DNAH17: variants seen among roughly 807,000 people sequenced by gnomAD.
The protein encoded by DNAH17 is dynein axonemal heavy chain 17.
A neutral mutation model predicts 485.6 loss-of-function variants in DNAH17; 376 were observed. The ratio of observed to expected loss-of-function variants is 0.77; its 90% CI spans 0.71 to 0.84. The LOEUF (loss-of-function observed/expected upper bound fraction) is 0.84, where lower values mean the gene tolerates loss of function less well. Among genes scored for constraint, DNAH17 ranks in the 40% least tolerant of loss-of-function variants. DNAH17 has a pLI of 0.00. For missense variants in DNAH17, 6,370 were observed against 5,839.3 expected, an observed-to-expected ratio of 1.09 and a Z score of -2.96; for synonymous variants, 3,031 against 2,405.9, an observed-to-expected ratio of 1.26 and a Z score of -7.60.
chr17:78,478,235 CCACCATCAT>C (rs879393642), intron 51 of DNAH17, among the ~76,000 whole-genome samples: 6 of 117,910 alleles, frequency 5.1e-5, no homozygotes, highest in Non-Finnish European at 8.6e-5. Context: ...ATCACCATCA[CCACCATCAT>C]CACCACCATC....
chr17:78,528,769 G>A (rs2091146511), intron 22 of DNAH17, among the ~76,000 whole-genome samples: 2 of 152,032 alleles, frequency 1.3e-5, no homozygotes, highest in African/African-American at 4.8e-5. Flanking sequence ...GACAGCTGAG[G>A]TTCTTTGAAT....
intron 11 of DNAH17, among the ~76,000 whole-genome samples, chr17:78,562,683 T>C (rs1340418214): frequency 6.6e-6 from 1 of 152,176 alleles, no homozygotes; most frequent in East Asian, 1.9e-4. Flanking sequence ...TAACGTTGCA[T>C]TTATATACCT....
rs1357113051 is a variant in DNAH17, at chr17:78,492,779, G to C, written c.6409-14C>G. The C allele has an allele frequency of 1.9e-6, 3 of 1,609,496 alleles. No individual in the cohort carries two copies. The highest frequency in any genetic ancestry group is 2.7e-5 in the African/African-American group (2 of 74,714). On this transcript the variant is annotated splice_polypyrimidine_tract_variant and intron_variant, in intron 41 of 80. Coordinates refer to ENST00000389840, the MANE Select transcript of DNAH17 (RefSeq NM_173628.4). Reference sequence around the variant, plus strand: ...GGATTTGAGGACCTGGCGAAGGTGGGGGTCACTCACGTGTGACTCCATGTT... The same window carrying C: ...GGATTTGAGGACCTGGCGAAGGTGGCGGTCACTCACGTGTGACTCCATGTT...
chr17:78,424,706 A>G (rs1409227868), intron 80 of DNAH17: 1 of 155,064 alleles, frequency 6.4e-6, no homozygotes, highest in East Asian at 1.9e-4. Flanking sequence ...TGCTGGCCCA[A>G]CCCTGCCACC....
rs1474597101 is a variant in DNAH17, at chr17:78,551,641, A to G, written c.2288-3T>C. The G allele has an allele frequency of 1.9e-6, 3 of 1,613,586 alleles. No homozygotes were observed. The East Asian group carries it at 6.7e-5, about 36-fold the overall frequency. The stretch of plus-strand genomic sequence containing the variant: ...CTCTTGAATGTACTGAAACACACCT[A>G]AAATGGAAATGTAGAGGAATCTTAC... On this transcript the variant is annotated splice_polypyrimidine_tract_variant and splice_region_variant and intron_variant, in intron 15 of 80. Transcript: ENST00000389840.
chr17:78,469,534 G>A (rs1327946428), intron 54 of DNAH17, among the ~76,000 whole-genome samples: 2 of 152,152 alleles, frequency 1.3e-5, no homozygotes, highest in African/African-American at 4.8e-5. Context: ...AGGATCAATT[G>A]AGGCCAGGAG....
intron 29 of DNAH17, among the ~76,000 whole-genome samples, 182 bp downstream of exon 29, chr17:78,507,096 T>C (rs1425586437): frequency 1.3e-5 from 2 of 152,188 alleles, no homozygotes; most frequent in Non-Finnish European, 2.9e-5. Flanking sequence ...GGCCAAGGCA[T>C]CACGTGGTGG....
At chr17:78,448,673 G>A (rs776940362) in intron 69 of DNAH17, among the ~76,000 whole-genome samples, 2 of 152,252 alleles carry the variant, frequency 1.3e-5, no homozygotes, top group South Asian at 2.1e-4. Flanking sequence ...CAGTGCAACA[G>A]TGTTGGGAGG....
In DNAH17 at chr17:78,501,751, G is replaced by T. The variant is rs754442939; in HGVS notation, c.5313C>A (p.Ile1771=). 6 of 1,612,992 alleles carry T rather than the reference G, an allele frequency of 3.7e-6. No homozygotes were observed. The highest frequency in any genetic ancestry group is 5.1e-6 in the Non-Finnish European group (6 of 1,179,802). The stretch of plus-strand genomic sequence containing the variant: ...ACAGGGGCGCTCATGCCTTGGCCAC[G>T]ATCATTTTGGCCACCACGTCCCGTG... ...VHARDVVAKM[I]VAKVESSQAF... Residue 1771 remains isoleucine, a synonymous_variant, in exon 34 of 81, where the codon ATC becomes ATA. Transcript: ENST00000389840.
At chr17:78,504,311 C>A (rs976971105) in intron 31 of DNAH17, among the ~76,000 whole-genome samples, 2 of 152,124 alleles carry the variant, frequency 1.3e-5, no homozygotes, top group Non-Finnish European at 1.5e-5. Flanking sequence ...ATGATCCGCC[C>A]ACCTCGACCT....
At chr17:78,505,884 A>G (rs1388371350) in intron 30 of DNAH17, among the ~76,000 whole-genome samples, 1 of 152,160 alleles carries the variant, frequency 6.6e-6, no homozygotes, top group Non-Finnish European at 1.5e-5. Flanking sequence ...AGGCTGAGGC[A>G]GGAGAATCAC....
rs1322341636 is a variant in DNAH17, at chr17:78,493,773, G to A, written c.6408+263C>T. ...AGGGACAGGGAGACAAGTGACTGAC[G>A]TCAAGGAGAGAAGAGCAGGAAGACA... On this transcript the variant is annotated intron_variant, in intron 41 of 80. Transcript: ENST00000389840. Among the ~76,000 whole-genome samples, 6 of 152,254 alleles carry A rather than the reference G, an allele frequency of 3.9e-5. No individual in the cohort carries two copies. In the South Asian group the frequency reaches 6.2e-4, roughly 16 times the overall value.
intron 51 of DNAH17, among the ~76,000 whole-genome samples, chr17:78,477,525 C>T (rs540841619): frequency 6.6e-6 from 1 of 152,280 alleles, no homozygotes; most frequent in South Asian, 2.1e-4. Context: ...TACAGAGGCA[C>T]ACTCCACCAT....
intron 1 of DNAH17, 32 bp from the exon 2 acceptor site, chr17:78,575,114 G>A (rs1383535000): frequency 7.1e-7 from 1 of 1,417,322 alleles, no homozygotes; most frequent in Non-Finnish European, 9.5e-7. Flanking sequence ...GGTACGAACT[G>A]TCTCCCGGGC....
At chr17:78,548,577 G>A (rs188075085) in intron 16 of DNAH17, among the ~76,000 whole-genome samples, 243 of 152,270 alleles carry the variant, frequency 1.6e-3, no homozygotes, top group South Asian at 8.3e-3. Flanking sequence ...GTGTTTTTCT[G>A]AGATATCTAA....
intron 68 of DNAH17, 159 bp from the exon 69 acceptor site, chr17:78,449,743 T>A (rs1380950007): frequency 2.9e-6 from 2 of 698,476 alleles, no homozygotes; most frequent in Admixed American, 5.7e-5. Context: ...AGTGGCGTGA[T>A]CTTGGCTCAC....
At chr17:78,493,937 G>T (rs1679347403) in intron 41 of DNAH17, 99 bp downstream of exon 41, 1 of 1,459,642 alleles carries the variant, frequency 6.9e-7, no homozygotes, top group Non-Finnish European at 9.1e-7. Flanking sequence ...CTGGGTTGGG[G>T]TCTCCGGGGT....
chr17:78,461,422 C>T, intron 58 of DNAH17, 122 bp downstream of exon 58: 1 of 1,082,446 alleles, frequency 9.2e-7, no homozygotes. Flanking sequence ...GGAACCTTGT[C>T]CTTCTATGTA....
chr17:78,532,969 AC>A, intron 19 of DNAH17: 1 of 447,420 alleles, frequency 2.2e-6, no homozygotes, highest in Admixed American at 3.9e-5. Context: ...ATAGCACACT[AC>A]AGCCCAGAAC....
Sources: gnomAD v4.1 joint callset for allele counts (sites outside exome capture counted in the v4.1 genomes callset) on GRCh38, gnomAD v4.1.1 for gene constraint, MANE v1.5 for transcripts, NCBI Gene and HGNC (gene_info 2026-07-23, HGNC 2026-07-21) for gene names.